Variants in SYNE1 observed in about 807,000 individuals in gnomAD.
SYNE1 encodes spectrin repeat containing nuclear envelope protein 1.
A neutral mutation model predicts 1,111.0 loss-of-function variants in SYNE1; 616 were observed. The observed-to-expected ratio is 0.55, with a 90% CI of 0.52 to 0.59. The LOEUF is 0.59. SYNE1 is among the 20% of genes least tolerant of loss of function. The pLI is 0.00. For missense variants in SYNE1, 10,006 were observed against 10,417.0 expected (o/e 0.96, Z 1.72); for synonymous variants, 3,855 against 3,825.8 (o/e 1.01, Z -0.28).
At chr6:152,419,531 A>T in intron 40 of SYNE1, 38 bp downstream of exon 40, 1 of 1,562,576 alleles carries the variant, frequency 6.4e-7, no homozygotes, top group Non-Finnish European at 8.7e-7. Flanking sequence ...TTATGAAGAA[A>T]TTCTTCTTCA....
intron 16 of SYNE1, among the ~76,000 whole-genome samples, chr6:152,470,134 T>G (rs1383300213): frequency 6.6e-6 from 1 of 152,208 alleles, no homozygotes; most frequent in East Asian, 1.9e-4. Context: ...TTGGAATTAG[T>G]AGCTGAGTGA....
chr6:152,620,040 G>A (rs1247848921), intron 3 of SYNE1, among the ~76,000 whole-genome samples: 3 of 152,090 alleles, frequency 2.0e-5, no homozygotes, highest in Non-Finnish European at 2.9e-5. Flanking sequence ...GCAGGCACAC[G>A]CGCACCGGCT....
Position 152,206,228 on chromosome 6 carries a change from T to C in SYNE1, c.22959A>G (p.Lys7653=). ...LQAELAEIQE[K]WKSASMRLEE... is the part of the protein sequence containing the mutation. ...CCAGCCGCATGCTGGCTGATTTCCA[T>C]TTCTCTTGGATTTCAGCGAGTTCGG... Residue 7653 remains lysine (K), a synonymous_variant, in exon 126 of 146, where the codon AAA becomes AAG. Transcript: ENST00000367255. 1 of 1,613,908 alleles carries C rather than the reference T, an allele frequency of 6.2e-7. No homozygotes were observed. The highest frequency in any genetic ancestry group is 8.5e-7 in the Non-Finnish European group (1 of 1,180,028).
chr6:152,504,637 T>C (rs1214858648), intron 9 of SYNE1, among the ~76,000 whole-genome samples: 1 of 152,192 alleles, frequency 6.6e-6, no homozygotes, highest in Non-Finnish European at 1.5e-5. Flanking sequence ...TAACAACTTA[T>C]TAGTTTATAA....
In SYNE1 at chr6:152,449,633, T is replaced by G. The variant is rs764928878; in HGVS notation, c.3404A>C (p.Glu1135Ala). Residue 1135 changes from glutamate (E) to alanine (A), a missense_variant, in exon 28 of 146, where the codon GAG (glutamate) becomes GCG (alanine). Physicochemically the swap from Glu to Ala is moderately radical, Grantham distance 107. Transcript: ENST00000367255. ...KWKDYTSRFS[E>A]FSSWISTNET... ...ATTTGTAGATATCCAAGATGAGAAC[T>G]CAGAGAATCTGAAATAACATAAGCA... 35 of 1,611,590 alleles carry G rather than the reference T, an allele frequency of 2.2e-5. No individual in the cohort carries two copies. The East Asian group carries it at 2.2e-4, about 10-fold the overall frequency.
intron 3 of SYNE1, among the ~76,000 whole-genome samples, chr6:152,609,598 A>T (rs1272426137): frequency 6.6e-6 from 1 of 152,176 alleles, no homozygotes; most frequent in East Asian, 1.9e-4. Context: ...GTCCCTGTCT[A>T]ACAGCACTGA....
chr6:152,176,537 A>G lies in SYNE1; in HGVS notation c.23484T>C (p.Ile7828=). The stretch of plus-strand genomic sequence containing the variant: ...GGAGCTGTATTTTGTTCTCTTGAGC[A>G]ATAGCAATTTCCTCTTGATAATCCT... ...LKKDYQEEIA[I]AQENKIQLQQ... is the part of the protein sequence containing the mutation. The change falls in exon 130 of 146, where the codon ATT becomes ATC. Residue 7828 remains isoleucine, a synonymous_variant. Transcript: ENST00000367255. 1.2e-6 allele frequency: 2 copies of G among 1,614,200 alleles called. No individual in the cohort carries two copies. The highest frequency in any genetic ancestry group is 1.7e-6 in the Non-Finnish European group (2 of 1,180,018).
Position 152,325,131 on chromosome 6 carries a change from T to C in SYNE1, c.15610A>G (p.Lys5204Glu), listed in dbSNP as rs1177797431. 3 of 1,614,224 alleles carry C rather than the reference T, an allele frequency of 1.9e-6. No homozygotes were observed. The highest frequency in any genetic ancestry group is 2.5e-6 in the Non-Finnish European group (3 of 1,180,034). The change falls in exon 81 of 146, where the codon AAG (lysine) becomes GAG (glutamate). Residue 5204 changes from lysine to glutamate, a missense_variant. Coordinates refer to ENST00000367255, the MANE Select transcript of SYNE1 (RefSeq NM_182961.4). ...TCATCCACTGCATCTTCCAGGATCT[T>C]CTCCTGGTCCTGGGCCACAGCTCGA... Reference protein sequence around the residue: ...RLRAVAQDQEKILEDAVDEWT... With the variant: ...RLRAVAQDQEEILEDAVDEWT...
At chr6:152,249,351 T>C (rs1337320584) in intron 104 of SYNE1, 89 bp from the exon 105 acceptor site, 3 of 814,386 alleles carry the variant, frequency 3.7e-6, no homozygotes, top group Admixed American at 1.8e-5. Context: ...AGAAATAACA[T>C]AGAGGCACAG....
chr6:152,389,304 G>A (rs1384101770), intron 53 of SYNE1, among the ~76,000 whole-genome samples: 3 of 152,128 alleles, frequency 2.0e-5, no homozygotes, highest in African/African-American at 7.2e-5. Context: ...CATTGCCCAT[G>A]TACTAAGCCT....
intron 97 of SYNE1, 137 bp from the exon 98 acceptor site, chr6:152,278,417 G>A: frequency 1.1e-6 from 1 of 944,166 alleles, no homozygotes. Context: ...GTTTTCCCAC[G>A]GCCTTGACGA....
chr6:152,419,785 A>G (rs550371966), intron 39 of SYNE1, 63 bp from the exon 40 acceptor site: 1 of 1,579,654 alleles, frequency 6.3e-7, no homozygotes, highest in East Asian at 2.3e-5. Flanking sequence ...TTAATGATGT[A>G]TTTTGGGAAT....
At chr6:152,505,905 T>C (rs1270660415) in intron 8 of SYNE1, among the ~76,000 whole-genome samples, 3 of 152,228 alleles carry the variant, frequency 2.0e-5, no homozygotes, top group South Asian at 2.1e-4. Context: ...ACTAAGATAA[T>C]GTGGCTGAAT....
chr6:152,225,574 A>T, intron 116 of SYNE1, 147 bp downstream of exon 116: 3 of 916,514 alleles, frequency 3.3e-6, no homozygotes, highest in Non-Finnish European at 5.1e-6. Context: ...AAAAAAAAAA[A>T]GAGGATAACG....
intron 16 of SYNE1, among the ~76,000 whole-genome samples, chr6:152,470,925 T>C (rs2098802061): frequency 6.6e-6 from 1 of 152,198 alleles, no homozygotes; most frequent in South Asian, 2.1e-4. Flanking sequence ...TATAATACAC[T>C]AATTACATGT....
In SYNE1 at chr6:152,358,386, A is replaced by C. The variant is rs200568082; in HGVS notation, c.10595T>G (p.Leu3532Trp). 1.2e-6 allele frequency: 2 copies of C among 1,614,162 alleles called. No homozygotes were observed. Among genetic ancestry groups the C allele is most frequent in the East Asian group, 4.5e-5 (2 of 44,876 alleles). The part of the protein sequence containing the change: ...EGDAHTHETT[L>W]RDLQELQVHC... ...AGGAGGCCTTACCTGAAGATCACGC[A>C]ATGTTGTCTCATGAGTGTGGGCATC... Residue 3532 changes from leucine to tryptophan, a missense_variant, in exon 66 of 146, where the codon TTG (leucine) becomes TGG (tryptophan). Leu to Trp is a moderately conservative substitution (Grantham distance 61). Transcript: ENST00000367255.
chr6:152,219,214 G>T, intron 119 of SYNE1, 29 bp from the exon 120 acceptor site: 1 of 1,606,138 alleles, frequency 6.2e-7, no homozygotes, highest in Non-Finnish European at 8.5e-7. Context: ...TGCCCACTCT[G>T]AAGCATGTTG....
rs377640613 is a variant in SYNE1, at chr6:152,598,444, T to G, written c.67+29821A>C. Among the ~76,000 whole-genome samples the G allele has an allele frequency of 2.6e-5, 4 of 152,344 alleles. No homozygotes were observed. In the East Asian group the frequency reaches 5.8e-4, roughly 22 times the overall value. On this transcript the variant is annotated intron_variant, in intron 3 of 145. Coordinates refer to ENST00000367255, the MANE Select transcript of SYNE1 (RefSeq NM_182961.4). ...ATGTCTTTATCAGCAGTGTGAAAAC[T>G]GACTAATACAGAAACTGAATATACA...
At chr6:152,131,275 C>T (rs1253732030) in intron 144 of SYNE1, among the ~76,000 whole-genome samples, 1 of 150,068 alleles carries the variant, frequency 6.7e-6, no homozygotes, top group Non-Finnish European at 1.5e-5. Context: ...ACTTGAAAAG[C>T]CAGTATTCCT....
Sources: gnomAD v4.1 joint callset for allele counts (sites outside exome capture counted in the v4.1 genomes callset) on GRCh38, gnomAD v4.1.1 for gene constraint, MANE v1.5 for transcripts, NCBI Gene and HGNC (gene_info 2026-07-23, HGNC 2026-07-21) for gene names.